PAM16: variants seen among roughly 807,000 people sequenced by gnomAD.
The protein encoded by PAM16 is mitochondrial import inner membrane translocase subunit TIM16.
Under a neutral mutation model 17.9 loss-of-function variants are expected in PAM16, and 11 were observed. That is an observed-to-expected ratio of 0.62 (90% CI 0.39 to 1.02). The LOEUF (loss-of-function observed/expected upper bound fraction) is 1.02, where lower values mean the gene tolerates loss of function less well. Among genes scored for constraint, PAM16 ranks in the 50% least tolerant of loss-of-function variants. The probability of loss-of-function intolerance (pLI) is 0.01; values close to 1 mark genes in which losing one functional copy is unlikely to be tolerated. For synonymous variants in PAM16, 72 were observed against 67.4 expected, an observed-to-expected ratio of 1.07 and a Z score of -0.34; for missense variants, 199 against 165.4, an observed-to-expected ratio of 1.20 and a Z score of -1.11.
chr16:4,340,375 C>A lies in PAM16; in HGVS notation c.322G>T (p.Glu108Ter), dbSNP rs2053623312. 2 of 1,612,858 alleles carry A rather than the reference C, an allele frequency of 1.2e-6. No individual in the cohort carries two copies. The highest frequency in any genetic ancestry group is 2.7e-5 in the African/African-American group (2 of 75,076). Residue 108 changes from glutamate (E) to a stop codon, truncating the protein, a stop_gained, in exon 5 of 5, where the codon GAA (glutamate) becomes TAA (stop). Coordinates refer to ENST00000318059, the MANE Select transcript of PAM16 (RefSeq NM_016069.11). LOFTEE classifies it high-confidence loss of function. ...VVRAKERLDE[E>*]LKIQAQEDRE... ...TCCTCCTGGGCCTGGATTTTGAGTT[C>A]CTCATCCAGGCGCTCCTTTGCGCGG...
chr16:4,342,283 G>A (rs1015085877), intron 2 of PAM16, among the ~76,000 whole-genome samples: 14 of 152,144 alleles, frequency 9.2e-5, no homozygotes, highest in South Asian at 2.1e-4. Flanking sequence ...GCTTGAACCC[G>A]GGAGGCAGAG....
At chr16:4,344,547 G>A (rs200688889) in intron 1 of PAM16, among the ~76,000 whole-genome samples, 79 of 52,280 alleles carry the variant, frequency 1.5e-3, no homozygotes, top group East Asian at 3.3e-3. Flanking sequence ...AGAGGAGGGG[G>A]TTCCGTGAGA....
intron 1 of PAM16, among the ~76,000 whole-genome samples, chr16:4,350,613 G>A (rs1211068940): frequency 1.3e-5 from 2 of 152,046 alleles, no homozygotes; most frequent in Admixed American, 6.6e-5. Flanking sequence ...ATGTTGGCCA[G>A]GCTGGTCTCG....
In PAM16 at chr16:4,340,438, C is replaced by T. The variant is rs754573555; in HGVS notation, c.292-33G>A. The T allele has an allele frequency of 2.5e-6, 4 of 1,602,252 alleles. No individual in the cohort carries two copies. The Admixed American group carries it at 6.7e-5, about 27-fold the overall frequency. On this transcript the variant is annotated intron_variant, in intron 4 of 4. Coordinates refer to ENST00000318059, the MANE Select transcript of PAM16 (RefSeq NM_016069.11). ...GTCACGGATAATCAGGCCGGGAGGC[C>T]AAGCCTCCGCCCCATACCCCTTGCC...
At chr16:4,342,208 A>G (rs1176964026) in intron 2 of PAM16, among the ~76,000 whole-genome samples, 1 of 152,210 alleles carries the variant, frequency 6.6e-6, no homozygotes, top group Non-Finnish European at 1.5e-5. Context: ...AAATACAAAA[A>G]TCAGCTGGGT....
intron 1 of PAM16, among the ~76,000 whole-genome samples, chr16:4,350,736 CAG>C (rs1336911301): frequency 6.6e-6 from 1 of 152,156 alleles, no homozygotes; most frequent in African/African-American, 2.4e-5. Context: ...GGTGACCTGA[CAG>C]TGTGGCGCAG....
chr16:4,340,817 T>C (rs1206281599), intron 4 of PAM16, 103 bp downstream of exon 4: 47 of 1,440,002 alleles, frequency 3.3e-5, no homozygotes, highest in Non-Finnish European at 4.3e-5. Context: ...GTTTTCTGTG[T>C]GCCAAGCCCT....
chr16:4,350,905 G>A (rs1375002224), intron 1 of PAM16: 2 of 256,422 alleles, frequency 7.8e-6, no homozygotes, highest in African/African-American at 4.5e-5. Context: ...CTGCAGCGCT[G>A]TAAGGTTCCA....
At position 4,343,087 on chromosome 16, in the gene PAM16, G is replaced by A. The variant is rs531622501; in HGVS notation, c.88+120C>T. On this transcript the variant is annotated intron_variant, in intron 2 of 4. Transcript: ENST00000318059. ...CCGGTCTGGCATCACCCCCCACCAT[G>A]GGAAGTGCCTCAGGCCACGCACACT... The A allele has an allele frequency of 6.7e-4, 886 of 1,319,482 alleles. 4 individuals carry two copies. Among genetic ancestry groups the A allele is most frequent in the African/African-American group, 2.1e-3 (142 of 68,506 alleles). 81.7% of individuals were successfully genotyped at this position (1,319,482 alleles called of 1,614,324 possible).
rs558716310 is a variant in PAM16 at position 4,340,399 on chromosome 16, G to C, written c.298C>G (p.Arg100Gly). 1 of 1,611,818 alleles carries C rather than the reference G, an allele frequency of 6.2e-7. No homozygotes were observed. Among genetic ancestry groups the C allele is most frequent in the Non-Finnish European group, 8.5e-7 (1 of 1,179,770 alleles). The change falls in exon 5 of 5, where the codon CGC (arginine) becomes GGC (glycine). Residue 100 changes from arginine (R) to glycine (G), a missense_variant. Physicochemically the swap from Arg to Gly is moderately radical, Grantham distance 125 (BLOSUM62 -2). Transcript: ENST00000318059. The part of the protein sequence containing the change: ...GSFYLQSKVV[R>G]AKERLDEELK... ...TCCTCATCCAGGCGCTCCTTTGCGCGGACCACCTAGTGGGTCACGGATAAT... is the reference window on the plus strand; with the variant it reads ...TCCTCATCCAGGCGCTCCTTTGCGCCGACCACCTAGTGGGTCACGGATAAT...
intron 1 of PAM16, chr16:4,343,662 A>T: frequency 1.1e-6 from 1 of 877,164 alleles, no homozygotes; most frequent in Non-Finnish European, 1.6e-6. Context: ...GCAGTAACTC[A>T]CTCTCGACCC....
chr16:4,348,877 G>GA (rs1041623296), intron 1 of PAM16, among the ~76,000 whole-genome samples: 1 of 150,524 alleles, frequency 6.6e-6, no homozygotes, highest in Non-Finnish European at 1.5e-5. Flanking sequence ...GGCTGGTCTC[G>GA]AACCCCTGAG....
chr16:4,343,761 T>TC (rs1434494915), intron 1 of PAM16: 3 of 411,732 alleles, frequency 7.3e-6, no homozygotes, highest in African/African-American at 6.2e-5. Context: ...GTCCTAATTC[T>TC]CCCAAGTCCG....
At chr16:4,343,721 CCTTTA>C in intron 1 of PAM16, 4 of 453,512 alleles carry the variant, frequency 8.8e-6, no homozygotes, top group Non-Finnish European at 1.5e-5. Flanking sequence ...TCAGGCCCAA[CCTTTA>C]CTTTACCAAC....
rs990306116 is a variant in PAM16, at chr16:4,351,227, C to A, written c.3+5G>T. 7.6e-6 allele frequency: 11 copies of A among 1,449,650 alleles called. No homozygotes were observed. The highest frequency in any genetic ancestry group is 2.9e-5 in the African/African-American group (2 of 69,382). 89.8% of individuals were successfully genotyped at this position (1,449,650 alleles called of 1,614,324 possible). A position where few individuals can be genotyped will look rare whatever the true frequency, so the allele number is the denominator to read the frequency against. ...CTCCCCGGTAGCGCCCGACTCGGGG[C>A]TCACCATGGCAGCCGCTCTGCCTCC... On this transcript the variant is annotated splice_donor_5th_base_variant and intron_variant, in intron 1 of 4. Transcript: ENST00000318059.
At chr16:4,350,394 T>G (rs2053831597) in intron 1 of PAM16, among the ~76,000 whole-genome samples, 1 of 150,390 alleles carries the variant, frequency 6.6e-6, no homozygotes, top group Non-Finnish European at 1.5e-5. Context: ...ACGGTATATA[T>G]AATACATATA....
intron 1 of PAM16, among the ~76,000 whole-genome samples, chr16:4,344,847 G>GGGGTTCCGTGAGAGGAGA: frequency 6.8e-6 from 1 of 147,696 alleles, no homozygotes; most frequent in African/African-American, 2.4e-5. Context: ...GTGAGAGGAG[G>GGGGTTCCGTGAGAGGAGA]GGGTTCCGTG....
intron 1 of PAM16, chr16:4,348,086 G>C (rs575928205): frequency 1.3e-5 from 2 of 152,310 alleles, no homozygotes; most frequent in Non-Finnish European, 2.9e-5. Context: ...CACTCTCAAG[G>C]ACACTCTGGT....
intron 1 of PAM16, 120 bp from the exon 2 acceptor site, chr16:4,343,411 C>A: frequency 6.8e-7 from 1 of 1,473,010 alleles, no homozygotes; most frequent in South Asian, 1.3e-5. Flanking sequence ...AAGCACAGAG[C>A]TGCAGCCCCA....
Sources: gnomAD v4.1 joint callset for allele counts (sites outside exome capture counted in the v4.1 genomes callset) on GRCh38, gnomAD v4.1.1 for gene constraint, MANE v1.5 for transcripts, NCBI Gene and HGNC (gene_info 2026-07-23, HGNC 2026-07-21) for gene names.